Variants in FRMD6 observed in about 807,000 individuals in gnomAD.
FRMD6 encodes the protein FERM domain-containing protein 6.
FRMD6 carries 37 observed loss-of-function variants against 73.2 expected under a neutral mutation model. The ratio of observed to expected loss-of-function variants is 0.51; its 90% confidence interval spans 0.39 to 0.66. The LOEUF is 0.66. Among genes scored for constraint, FRMD6 ranks in the 30% least tolerant of loss-of-function variants. The probability of loss-of-function intolerance (pLI) is 0.00; values close to 1 mark genes in which losing one functional copy is unlikely to be tolerated. For missense variants in FRMD6, 714 were observed against 780.5 expected (o/e 0.91, Z 1.02); for synonymous variants, 273 against 282.2 (o/e 0.97, Z 0.33).
At chr14:51,588,555 C>T (rs925827872) in intron 2 of FRMD6, among the ~76,000 whole-genome samples, 4 of 152,124 alleles carry the variant, frequency 2.6e-5, no homozygotes, top group Non-Finnish European at 2.9e-5. Context: ...TACAGGAACA[C>T]GACCCAAACA....
rs769854822 is a variant in FRMD6 at position 51,728,000 on chromosome 14, C to T, written c.1840C>T (p.His614Tyr). The change falls in exon 14 of 14, where the codon CAT (histidine) becomes TAT (tyrosine). Residue 614 changes from histidine (H) to tyrosine (Y), a missense_variant. Transcript: ENST00000344768. Reference protein sequence around the residue: ...TSKYFSLDLTHDEVPEFVV With the variant: ...TSKYFSLDLTYDEVPEFVV ...CAAATACTTTTCTCTGGATCTCACT[C>T]ATGATGAAGTTCCAGAGTTTGTTGT... is the stretch of plus-strand genomic sequence containing the variant. 15 of 1,611,230 alleles carry T rather than the reference C, an allele frequency of 9.3e-6. No homozygotes were observed. Among genetic ancestry groups the T allele is most frequent in the South Asian group, 1.1e-5 (1 of 91,036 alleles).
chr14:51,510,582 G>A (rs1306149318), intron 1 of FRMD6, among the ~76,000 whole-genome samples: 1 of 152,178 alleles, frequency 6.6e-6, no homozygotes, highest in Non-Finnish European at 1.5e-5. Context: ...GGAGAGCTCT[G>A]TAGAAATATT....
At chr14:51,567,980 C>T (rs1347422563) in intron 1 of FRMD6, among the ~76,000 whole-genome samples, 4 of 152,188 alleles carry the variant, frequency 2.6e-5, no homozygotes, top group Non-Finnish European at 4.4e-5. Flanking sequence ...GAATGAGTTT[C>T]GTGTCTCGAA....
intron 4 of FRMD6, among the ~76,000 whole-genome samples, 186 bp downstream of exon 4, chr14:51,701,345 TTTC>T (rs1463705905): frequency 2.6e-5 from 2 of 77,398 alleles, no homozygotes; most frequent in Non-Finnish European, 4.9e-5. Flanking sequence ...AACTTATAAT[TTTC>T]TTTTCCCATT....
chr14:51,523,477 G>A (rs1330352643), intron 1 of FRMD6, among the ~76,000 whole-genome samples: 1 of 152,186 alleles, frequency 6.6e-6, no homozygotes, highest in African/African-American at 2.4e-5. Context: ...GTCTGTGGCT[G>A]AGGATTATGA....
chr14:51,494,224 A>C (rs564973188), intron 1 of FRMD6, among the ~76,000 whole-genome samples: 1 of 152,344 alleles, frequency 6.6e-6, no homozygotes, highest in South Asian at 2.1e-4. Context: ...AAAAGTCTAG[A>C]GTCCAAGGTC....
At chr14:51,420,000 C>T in the FRMD6 span, among the ~76,000 whole-genome samples, 12 of 126,336 alleles carry the variant, frequency 9.5e-5, no homozygotes, top group African/African-American at 3.0e-4. Context: ...TTCCTGCCCT[C>T]GTTAGGTGTA....
chr14:51,412,967 T>C, the FRMD6 span, among the ~76,000 whole-genome samples: 1 of 151,874 alleles, frequency 6.6e-6, no homozygotes, highest in Non-Finnish European at 1.5e-5. Context: ...AGATAAACTG[T>C]TGATTTACCT....
At chr14:51,446,765 T>C in the FRMD6 span, among the ~76,000 whole-genome samples, 16 of 152,176 alleles carry the variant, frequency 1.1e-4, no homozygotes, top group African/African-American at 3.9e-4. Flanking sequence ...TGAGGGCAGG[T>C]ACTTTGCCAA....
the FRMD6 span, among the ~76,000 whole-genome samples, chr14:51,482,171 A>G: frequency 6.6e-5 from 10 of 152,332 alleles, no homozygotes; most frequent in Admixed American, 1.3e-4. Flanking sequence ...GCTGCCTCCA[A>G]TAGAATTATC....
intron 1 of FRMD6, among the ~76,000 whole-genome samples, chr14:51,510,423 G>A (rs1428140631): frequency 2.0e-5 from 3 of 151,808 alleles, no homozygotes; most frequent in South Asian, 4.2e-4. Flanking sequence ...CAATATTTCC[G>A]TGATTTTTTT....
At chr14:51,520,780 G>A (rs547599017) in intron 1 of FRMD6, among the ~76,000 whole-genome samples, 76 of 152,138 alleles carry the variant, frequency 5.0e-4, no homozygotes, top group African/African-American at 1.7e-3. Context: ...ATGGTGGCAC[G>A]TGTTTGTGGT....
At chr14:51,712,599 A>G (rs1024390622) in intron 9 of FRMD6, 48 bp downstream of exon 9, 23 of 1,165,652 alleles carry the variant, frequency 2.0e-5, no homozygotes, top group Non-Finnish European at 2.7e-5. Flanking sequence ...TTAATTGCTT[A>G]CTTTTTTGGG....
At chr14:51,616,751 C>G (rs1210782454) in intron 2 of FRMD6, among the ~76,000 whole-genome samples, 1 of 152,126 alleles carries the variant, frequency 6.6e-6, no homozygotes, top group African/African-American at 2.4e-5. Context: ...CCAGTTCCAC[C>G]ATAATCCTAT....
chr14:51,517,424 G>A (rs1884693920), intron 1 of FRMD6, among the ~76,000 whole-genome samples: 1 of 152,142 alleles, frequency 6.6e-6, no homozygotes, highest in Non-Finnish European at 1.5e-5. Flanking sequence ...CCTTAGTGAA[G>A]CATTAATAAA....
At chr14:51,594,388 G>A (rs12434124) in intron 2 of FRMD6, among the ~76,000 whole-genome samples, 52,710 of 151,536 alleles carry the variant, frequency 0.35, 10,112 homozygotes, top group South Asian at 0.43. Context: ...GAGTGCAATG[G>A]TGCGATCTTG....
the FRMD6 span, among the ~76,000 whole-genome samples, chr14:51,398,483 A>C: frequency 6.6e-6 from 1 of 151,968 alleles, no homozygotes; most frequent in Non-Finnish European, 1.5e-5. Context: ...TTCTCTCATC[A>C]TCTATATAAG....
At chr14:51,466,057 T>A in the FRMD6 span, among the ~76,000 whole-genome samples, 2 of 151,862 alleles carry the variant, frequency 1.3e-5, no homozygotes, top group Non-Finnish European at 2.9e-5. Flanking sequence ...AATAACAATC[T>A]TGAACATCTT....
intron 1 of FRMD6, among the ~76,000 whole-genome samples, chr14:51,683,283 T>G (rs927310171): frequency 2.0e-5 from 3 of 152,072 alleles, no homozygotes; most frequent in Non-Finnish European, 2.9e-5. Flanking sequence ...ATTTTTTTTA[T>G]TTTTGAGACA....
Sources: allele counts gnomAD v4.1 joint callset (sites outside exome capture counted in the v4.1 genomes callset), GRCh38; gene constraint gnomAD v4.1.1; transcripts MANE v1.5; gene names NCBI Gene and HGNC (gene_info 2026-07-23, HGNC 2026-07-21).